The following THRB variants were observed in gnomAD, a reference collection of about 807,000 sequenced individuals.
The protein encoded by THRB is nuclear receptor subfamily 1 group A member 2.
In THRB, 12 loss-of-function variants were observed where a neutral mutation model predicts 47.8. That is an observed-to-expected ratio of 0.25 (90% CI 0.16 to 0.41). The LOEUF is 0.41. Ranked by LOEUF, THRB falls within the 10% of genes least tolerant of loss-of-function variation. THRB has a pLI of 1.00. For synonymous variants in THRB, 218 were observed against 212.2 expected, an observed-to-expected ratio of 1.03 and a Z score of -0.24; for missense variants, 348 against 589.2, an observed-to-expected ratio of 0.59 and a Z score of 4.24.
intron 1 of THRB, among the ~76,000 whole-genome samples, chr3:24,367,533 C>T (rs1271886382): frequency 6.6e-6 from 1 of 152,142 alleles, no homozygotes; most frequent in Non-Finnish European, 1.5e-5. Flanking sequence ...GTTCTGGGCT[C>T]AGTTTGACCA....
intron 2 of THRB, among the ~76,000 whole-genome samples, chr3:24,316,226 C>G: frequency 6.6e-6 from 1 of 152,154 alleles, no homozygotes; most frequent in Non-Finnish European, 1.5e-5. Flanking sequence ...ATGAAAATAA[C>G]TGCTGGTCAA....
chr3:24,240,259 T>C (rs562837488), intron 3 of THRB, among the ~76,000 whole-genome samples: 5 of 152,180 alleles, frequency 3.3e-5, no homozygotes, highest in South Asian at 4.2e-4. Context: ...GTGTGGAGGA[T>C]ATGAGAAAGA....
chr3:24,154,285 A>T (rs1575451393), intron 5 of THRB, among the ~76,000 whole-genome samples: 1 of 152,194 alleles, frequency 6.6e-6, no homozygotes, highest in Non-Finnish European at 1.5e-5. Flanking sequence ...CAGAGAAAAA[A>T]GGGAACTAGA....
intron 4 of THRB, among the ~76,000 whole-genome samples, chr3:24,206,409 C>T (rs1345747676): frequency 6.6e-6 from 1 of 152,082 alleles, no homozygotes; most frequent in Admixed American, 6.5e-5. Context: ...CTACTGGGTA[C>T]ATAACAAAAT....
chr3:24,213,822 TA>T (rs2046301914), intron 4 of THRB, among the ~76,000 whole-genome samples: 1 of 152,166 alleles, frequency 6.6e-6, no homozygotes, highest in African/African-American at 2.4e-5. Flanking sequence ...GGCATTTGGT[TA>T]ATGGGGAATG....
intron 1 of THRB, among the ~76,000 whole-genome samples, chr3:24,341,819 T>A (rs974932720): frequency 6.6e-6 from 1 of 152,204 alleles, no homozygotes; most frequent in Non-Finnish European, 1.5e-5. Context: ...CTTAGACAGC[T>A]TGTTATGGAT....
chr3:24,199,624 T>C (rs947249729), intron 4 of THRB, among the ~76,000 whole-genome samples: 2 of 152,150 alleles, frequency 1.3e-5, no homozygotes, highest in Non-Finnish European at 2.9e-5. Context: ...AAAACAATCA[T>C]CATGACTGCA....
In THRB at chr3:24,487,835, C is replaced by A. The variant is rs111836616; in HGVS notation, c.-261+6817G>T. ...AAGACAGAAATGTGCAAAAAGATGACCAAGCCCAAGAAACATTATGATTGC... is the reference window on the plus strand; with the variant it reads ...AAGACAGAAATGTGCAAAAAGATGAACAAGCCCAAGAAACATTATGATTGC... On this transcript the variant is annotated intron_variant, in intron 1 of 10. Coordinates refer to ENST00000646209, the MANE Select transcript of THRB (RefSeq NM_001354712.2). 4.8e-3 allele frequency among the ~76,000 whole-genome samples: 738 copies of A among 152,230 alleles called. 6 individuals are homozygous for A. The highest frequency in any genetic ancestry group is 0.016 in the African/African-American group (675 of 41,534).
chr3:24,381,348 G>A (rs1433728352), intron 1 of THRB, among the ~76,000 whole-genome samples: 2 of 152,140 alleles, frequency 1.3e-5, no homozygotes, highest in African/African-American at 2.4e-5. Context: ...TTCTAGGAGA[G>A]TTGAACAAAT....
intron 4 of THRB, among the ~76,000 whole-genome samples, chr3:24,200,580 G>A (rs1040347435): frequency 9.8e-5 from 15 of 152,292 alleles, no homozygotes; most frequent in Admixed American, 9.1e-4. Context: ...TGTTAGCAGA[G>A]TAACATATAG....
At chr3:24,388,339 C>T (rs532849105) in intron 1 of THRB, among the ~76,000 whole-genome samples, 1 of 152,300 alleles carries the variant, frequency 6.6e-6, no homozygotes, top group South Asian at 2.1e-4. Context: ...ACACCTGCTT[C>T]CTTCCCATTC....
intron 1 of THRB, among the ~76,000 whole-genome samples, chr3:24,482,972 A>G (rs1696705972): frequency 6.6e-6 from 1 of 152,152 alleles, no homozygotes; most frequent in Non-Finnish European, 1.5e-5. Context: ...TTTTTCTTTT[A>G]TATGTTCTCT....
intron 3 of THRB, among the ~76,000 whole-genome samples, chr3:24,286,656 C>G (rs976670948): frequency 6.6e-6 from 1 of 152,158 alleles, no homozygotes; most frequent in East Asian, 1.9e-4. Flanking sequence ...ATTTCACTAG[C>G]AGCTTTGTTT....
chr3:24,241,507 G>T (rs1421726368), intron 3 of THRB, among the ~76,000 whole-genome samples: 1 of 152,124 alleles, frequency 6.6e-6, no homozygotes, highest in Non-Finnish European at 1.5e-5. Context: ...GGCCTACAGA[G>T]AAATCTATTC....
chr3:24,129,012 C>G (rs1373412224), intron 9 of THRB, among the ~76,000 whole-genome samples: 1 of 151,750 alleles, frequency 6.6e-6, no homozygotes, highest in African/African-American at 2.4e-5. Flanking sequence ...TCAACCAGTC[C>G]AATTTAGGTT....
At chr3:24,399,028 T>C (rs2067195774) in intron 1 of THRB, among the ~76,000 whole-genome samples, 3 of 148,976 alleles carry the variant, frequency 2.0e-5, no homozygotes, top group Admixed American at 1.3e-4. Context: ...AATTGAACAA[T>C]GAGAACACTT....
At chr3:24,183,902 TATTC>T (rs879714860) in intron 5 of THRB, among the ~76,000 whole-genome samples, 19 of 152,308 alleles carry the variant, frequency 1.2e-4, no homozygotes, top group Non-Finnish European at 1.8e-4. Context: ...TGCACATCAT[TATTC>T]ATTAATACAT....
chr3:24,180,241 A>G (rs1024544564), intron 5 of THRB, among the ~76,000 whole-genome samples: 1 of 152,254 alleles, frequency 6.6e-6, no homozygotes, highest in Non-Finnish European at 1.5e-5. Context: ...CTTAACTAAA[A>G]TAGTATGGCC....
chr3:24,250,532 AC>A (rs1168051988), intron 3 of THRB, among the ~76,000 whole-genome samples: 1 of 152,090 alleles, frequency 6.6e-6, no homozygotes, highest in Non-Finnish European at 1.5e-5. Context: ...CCTCATCTCT[AC>A]AAAAATTTTA....
Sources: allele counts gnomAD v4.1 joint callset (sites outside exome capture counted in the v4.1 genomes callset), GRCh38; gene constraint gnomAD v4.1.1; transcripts MANE v1.5; gene names NCBI Gene and HGNC (gene_info 2026-07-23, HGNC 2026-07-21).